Variants in MTCH2 observed in about 807,000 individuals in gnomAD.
MTCH2 encodes the protein mitochondrial carrier 2.
Under a neutral mutation model 50.6 loss-of-function variants are expected in MTCH2, and 25 were observed. The observed-to-expected ratio is 0.49, with a 90% confidence interval of 0.36 to 0.69. MTCH2 has a LOEUF of 0.69. Ranked by LOEUF, MTCH2 falls within the 30% of genes least tolerant of loss-of-function variation. MTCH2 has a pLI of 0.00. For synonymous variants in MTCH2, 106 were observed against 132.0 expected (o/e 0.80, Z 1.35); for missense variants, 273 against 384.4 (o/e 0.71, Z 2.42).
intron 12 of MTCH2, among the ~76,000 whole-genome samples, chr11:47,619,754 A>C (rs2097291479): frequency 6.6e-6 from 1 of 152,106 alleles, no homozygotes; most frequent in Non-Finnish European, 1.5e-5. Flanking sequence ...CAGCCTGCAC[A>C]ACATGGCAAA....
Position 47,628,945 on chromosome 11 carries a change from C to T in MTCH2, c.633+8G>A. 2 of 1,611,762 alleles carry T rather than the reference C, an allele frequency of 1.2e-6. No individual in the cohort carries two copies. The highest frequency in any genetic ancestry group is 2.2e-5 in the South Asian group (2 of 90,984). On this transcript the variant is annotated splice_region_variant and intron_variant, in intron 9 of 12. Transcript: ENST00000302503. ...AGGTGAGCACATCTCACGAAGGTCA[C>T]AACCTACCCCACTGTCCAGTGCATA... is the stretch of plus-strand genomic sequence containing the variant.
At chr11:47,637,673 A>AT (rs1430177220) in intron 3 of MTCH2, among the ~76,000 whole-genome samples, 1 of 152,044 alleles carries the variant, frequency 6.6e-6, no homozygotes, top group African/African-American at 2.4e-5. Context: ...TTGTTTTCTT[A>AT]TTTTTTAATG....
At chr11:47,631,988 G>C (rs1395791204) in intron 5 of MTCH2, among the ~76,000 whole-genome samples, 1 of 151,882 alleles carries the variant, frequency 6.6e-6, no homozygotes, top group African/African-American at 2.4e-5. Flanking sequence ...AATTTTACAG[G>C]TAAGAGAAAA....
chr11:47,637,134 C>T (rs531988492), intron 3 of MTCH2, among the ~76,000 whole-genome samples: 1 of 152,044 alleles, frequency 6.6e-6, no homozygotes, highest in Admixed American at 6.6e-5. Flanking sequence ...GGATTACATG[C>T]GCCCACCACC....
At chr11:47,621,621 G>T (rs918426230) in intron 12 of MTCH2, among the ~76,000 whole-genome samples, 5 of 152,112 alleles carry the variant, frequency 3.3e-5, no homozygotes, top group African/African-American at 1.2e-4. Context: ...TTTTAGTAGA[G>T]ATGGGGTTTC....
At chr11:47,631,294 A>G (rs1470485459) in intron 6 of MTCH2, among the ~76,000 whole-genome samples, 6 of 152,134 alleles carry the variant, frequency 3.9e-5, no homozygotes, top group Admixed American at 3.9e-4. Flanking sequence ...CTGTAATCCC[A>G]GCTCCTTAGG....
chr11:47,623,986 A>G (rs1205724188), intron 11 of MTCH2, among the ~76,000 whole-genome samples: 1 of 152,190 alleles, frequency 6.6e-6, no homozygotes, highest in Non-Finnish European at 1.5e-5. Flanking sequence ...CAGGAGGTGG[A>G]GGATGCAGTG....
In MTCH2 at chr11:47,638,975, A is replaced by G. The variant is rs772852470; in HGVS notation, c.164T>C (p.Phe55Ser). The change falls in exon 2 of 13, where the codon TTT becomes TCT. Residue 55 changes from phenylalanine to serine, a missense_variant. Physicochemically the swap from Phe to Ser is radical, Grantham distance 155. Transcript: ENST00000302503. ...AAATCAAAGGCACTTACCATAACTA[A>G]AGAGACCAGGAAGCTGACACACTTG... ...GRQVCQLPGL[F>S]SYAQHIASID... The G allele has an allele frequency of 1.7e-5, 27 of 1,612,818 alleles. 1 individual carries two copies. Among genetic ancestry groups the G allele is most frequent in the Admixed American group, 5.0e-5 (3 of 59,802 alleles).
chr11:47,638,099 C>A (rs1293893010), intron 3 of MTCH2, among the ~76,000 whole-genome samples: 1 of 152,024 alleles, frequency 6.6e-6, no homozygotes, highest in Non-Finnish European at 1.5e-5. Context: ...ACATTTGGAA[C>A]ATATTCAGGG....
At chr11:47,605,453 C>T in the MTCH2 span, among the ~76,000 whole-genome samples, 3 of 152,056 alleles carry the variant, frequency 2.0e-5, no homozygotes, top group Non-Finnish European at 4.4e-5. Flanking sequence ...GCAGGTCTCT[C>T]CACTTACTCT....
chr11:47,638,018 C>T (rs1262675856), intron 3 of MTCH2, among the ~76,000 whole-genome samples: 1 of 152,110 alleles, frequency 6.6e-6, no homozygotes, highest in East Asian at 1.9e-4. Flanking sequence ...CTGCATAGAT[C>T]CTTCTTCTTG....
At chr11:47,632,801 T>C (rs1423207830) in intron 5 of MTCH2, among the ~76,000 whole-genome samples, 1 of 150,242 alleles carries the variant, frequency 6.7e-6, no homozygotes, top group Non-Finnish European at 1.5e-5. Context: ...CAGGTTCAAG[T>C]GATTCTCCCG....
downstream of MTCH2, among the ~76,000 whole-genome samples, chr11:47,614,836 C>A (rs2097287414): frequency 1.3e-5 from 2 of 152,152 alleles, no homozygotes; most frequent in Non-Finnish European, 2.9e-5. Flanking sequence ...CCTCGGCCTC[C>A]CAAAGTTCTG....
chr11:47,637,974 T>G (rs1432677097), intron 3 of MTCH2, among the ~76,000 whole-genome samples: 2 of 152,202 alleles, frequency 1.3e-5, no homozygotes, highest in Admixed American at 1.3e-4. Context: ...GTTTACAAAA[T>G]TATTTCTTGT....
intron 12 of MTCH2, 99 bp downstream of exon 12, chr11:47,622,602 C>T: frequency 2.1e-6 from 2 of 935,864 alleles, no homozygotes; most frequent in Non-Finnish European, 3.2e-6. Flanking sequence ...CTAAAGTGAG[C>T]TACAAGAGTT....
chr11:47,638,994 A>G lies in MTCH2; in HGVS notation c.145T>C (p.Cys49Arg). 6.2e-7 allele frequency: 1 copy of G among 1,613,834 alleles called. No homozygotes were observed. Among genetic ancestry groups the G allele is most frequent in the South Asian group, 1.1e-5 (1 of 90,952 alleles). ...TAACTAAAGAGACCAGGAAGCTGACACACTTGCCGCCCAAAAATATTTCGT... is the reference window on the plus strand; with the variant it reads ...TAACTAAAGAGACCAGGAAGCTGACGCACTTGCCGCCCAAAAATATTTCGT... ...IGRNIFGRQV[C>R]QLPGLFSYAQ... The change falls in exon 2 of 13, where the codon TGT (cysteine) becomes CGT (arginine). Residue 49 changes from cysteine to arginine, a missense_variant. Around this residue, in one of 2 missense-constraint regions of MTCH2, gnomAD observed 203 missense variants for 244.3 expected, o/e 0.83. Coordinates refer to ENST00000302503, the MANE Select transcript of MTCH2 (RefSeq NM_014342.4).
chr11:47,630,681 C>T, intron 7 of MTCH2, 67 bp from the exon 8 acceptor site: 2 of 1,415,240 alleles, frequency 1.4e-6, no homozygotes, highest in Admixed American at 3.5e-5. Context: ...AAAATAATTT[C>T]AATTATCACA....
In MTCH2 at chr11:47,632,890, T is replaced by C. The variant is rs190620626; in HGVS notation, c.370-1179A>G. Among the ~76,000 whole-genome samples the C allele has an allele frequency of 9.5e-3, 1,412 of 149,146 alleles. 10 individuals carry two copies. Among genetic ancestry groups the C allele is most frequent in the Middle Eastern group, 0.021 (6 of 282 alleles). On this transcript the variant is annotated intron_variant, in intron 5 of 12. Coordinates refer to ENST00000302503, the MANE Select transcript of MTCH2 (RefSeq NM_014342.4). ...ATTTTTTTTGTATTTTTAGTAGAGA[T>C]GGGATTTCGCCATGTTGGCCAAGCT...
the MTCH2 span, among the ~76,000 whole-genome samples, chr11:47,606,621 T>C: frequency 2.0e-5 from 3 of 152,224 alleles, no homozygotes; most frequent in Non-Finnish European, 4.4e-5. Flanking sequence ...TCTCTAAACT[T>C]AGAATCATAA....
Sources: gnomAD v4.1 joint callset for allele counts (sites outside exome capture counted in the v4.1 genomes callset) on GRCh38, gnomAD v4.1.1 for gene constraint, gnomAD v4.1.1 regional missense constraint, MANE v1.5 for transcripts, NCBI Gene and HGNC (gene_info 2026-07-23, HGNC 2026-07-21) for gene names.